OPRM1: variants seen among roughly 807,000 people sequenced by gnomAD.
The protein encoded by OPRM1 is opioid receptor mu 1.
OPRM1 carries 27 observed loss-of-function variants against 31.8 expected under a neutral mutation model. That is an observed-to-expected ratio of 0.85 (90% CI 0.63 to 1.17). The LOEUF (loss-of-function observed/expected upper bound fraction) is 1.17, where lower values mean the gene tolerates loss of function less well. OPRM1 is among the 50% of genes most tolerant of loss of function. OPRM1 has a pLI of 0.00. For synonymous variants in OPRM1, 196 were observed against 189.9 expected, an observed-to-expected ratio of 1.03 and a Z score of -0.26; for missense variants, 536 against 511.1, an observed-to-expected ratio of 1.05 and a Z score of -0.47.
intron 3 of OPRM1, among the ~76,000 whole-genome samples, chr6:154,161,244 T>C (rs911772235): frequency 2.0e-5 from 3 of 149,518 alleles, no homozygotes; most frequent in African/African-American, 7.4e-5. Context: ...ACAGAGTCAC[T>C]CTGTTGCCCA....
At chr6:154,179,388 C>G (rs1402715883) in intron 3 of OPRM1, among the ~76,000 whole-genome samples, 1 of 152,134 alleles carries the variant, frequency 6.6e-6, no homozygotes, top group Non-Finnish European at 1.5e-5. Context: ...GTAGAAAACA[C>G]TACATTATTT....
rs1326098056 is a variant in OPRM1 at position 154,116,411 on chromosome 6, C to G, written c.1165-2272C>G. Among the ~76,000 whole-genome samples, 3 of 151,896 alleles carry G rather than the reference C, an allele frequency of 2.0e-5. No homozygotes were observed. The East Asian group carries it at 5.8e-4, about 29-fold the overall frequency. ...GACCAGCCTGGCCAACATGGGAAACCCCATCTCTACTAAAAGTACAAAAAT... is the reference window on the plus strand; with the variant it reads ...GACCAGCCTGGCCAACATGGGAAACGCCATCTCTACTAAAAGTACAAAAAT... On this transcript the variant is annotated intron_variant, in intron 3 of 3. Coordinates refer to ENST00000330432, the MANE Select transcript of OPRM1 (RefSeq NM_000914.5).
intron 1 of OPRM1, among the ~76,000 whole-genome samples, chr6:154,079,537 C>G (rs1788627182): frequency 6.6e-6 from 1 of 152,118 alleles, no homozygotes; most frequent in South Asian, 2.1e-4. Flanking sequence ...GCTCAAGACT[C>G]ATACACACTG....
In OPRM1 at chr6:154,056,517, G is replaced by A. The variant is rs1360332063; in HGVS notation, c.290+16683G>A. ...TGGATTTTTCCAGGACTTGCAATGC[G>A]ATGTCTGTCAACTTCCTAACTCAGG... On this transcript the variant is annotated intron_variant, in intron 1 of 3. Transcript: ENST00000330432. Among the ~76,000 whole-genome samples, 5 of 151,634 alleles carry A rather than the reference G, an allele frequency of 3.3e-5. No individual in the cohort carries two copies. In the East Asian group the frequency reaches 5.8e-4, roughly 18 times the overall value.
intron 3 of OPRM1, among the ~76,000 whole-genome samples, chr6:154,194,528 C>G (rs2281620): frequency 1.3e-5 from 2 of 151,702 alleles, no homozygotes; most frequent in African/African-American, 2.4e-5. Flanking sequence ...AACTCCTCAA[C>G]CCCTCCTACT....
rs1797158555 is a variant in OPRM1, at chr6:154,119,016, G to T, written c.*295G>T. On this transcript the variant is annotated 3_prime_UTR_variant, in exon 4 of 4. Coordinates refer to ENST00000330432, the MANE Select transcript of OPRM1 (RefSeq NM_000914.5). ...GTGAATTGAAGTCATCATAAAAGGT[G>T]ACCCTTCTGTCTGTAAGATTTTATT... The T allele has an allele frequency of 6.1e-6, 7 of 1,144,178 alleles. No homozygotes were observed. The highest frequency in any genetic ancestry group is 3.2e-5 in the African/African-American group (2 of 62,506). 70.9% of individuals were successfully genotyped at this position (1,144,178 alleles called of 1,614,324 possible).
At chr6:154,133,566 A>G (rs186473616), downstream of OPRM1, among the ~76,000 whole-genome samples, 5 of 152,242 alleles carry the variant, frequency 3.3e-5, no homozygotes, top group African/African-American at 9.6e-5. Flanking sequence ...GGCAAATAAT[A>G]CCAAATGGTT....
intron 1 of OPRM1, among the ~76,000 whole-genome samples, chr6:154,013,146 T>C (rs1250283543): frequency 3.3e-5 from 5 of 152,190 alleles, no homozygotes; most frequent in African/African-American, 1.2e-4. Flanking sequence ...AAGTGGACGT[T>C]AGCCTTGAGC....
At chr6:154,195,356 C>A (rs1446969015) in intron 3 of OPRM1, among the ~76,000 whole-genome samples, 1 of 151,978 alleles carries the variant, frequency 6.6e-6, no homozygotes, top group Non-Finnish European at 1.5e-5. Flanking sequence ...ACCATGTTAG[C>A]CAGGATGGTC....
chr6:154,183,565 C>T (rs1480742956), intron 3 of OPRM1, among the ~76,000 whole-genome samples: 1 of 152,078 alleles, frequency 6.6e-6, no homozygotes, highest in Non-Finnish European at 1.5e-5. Context: ...CCAAAGGATG[C>T]TATAAAGGTA....
chr6:154,183,923 GCAAAA>G (rs1562528470), intron 3 of OPRM1, among the ~76,000 whole-genome samples: 1 of 151,672 alleles, frequency 6.6e-6, no homozygotes, highest in Non-Finnish European at 1.5e-5. Flanking sequence ...AAAAAACAAA[GCAAAA>G]CAAAAAACAC....
chr6:154,077,880 T>A (rs1166860783), intron 1 of OPRM1, among the ~76,000 whole-genome samples: 1 of 152,018 alleles, frequency 6.6e-6, no homozygotes, highest in Non-Finnish European at 1.5e-5. Context: ...ATCTACTTTT[T>A]TTTTTTTAAC....
chr6:154,104,850 T>C (rs1795358259), intron 3 of OPRM1, among the ~76,000 whole-genome samples: 1 of 152,232 alleles, frequency 6.6e-6, no homozygotes, highest in African/African-American at 2.4e-5. Flanking sequence ...AGCCATGGGT[T>C]TGTACCCTCA....
chr6:154,049,447 C>T (rs1781789015), intron 1 of OPRM1, among the ~76,000 whole-genome samples: 1 of 152,142 alleles, frequency 6.6e-6, no homozygotes, highest in African/African-American at 2.4e-5. Flanking sequence ...TTTTTTGCTG[C>T]TCTATACATG....
chr6:154,174,710 C>G (rs2128560213), intron 3 of OPRM1, among the ~76,000 whole-genome samples: 1 of 152,238 alleles, frequency 6.6e-6, no homozygotes, highest in Middle Eastern at 3.4e-3. Context: ...TAGACTCTCA[C>G]ACAATAATAA....
intron 1 of OPRM1, among the ~76,000 whole-genome samples, chr6:154,063,907 T>C (rs1383566102): frequency 2.0e-5 from 3 of 152,100 alleles, no homozygotes; most frequent in Non-Finnish European, 4.4e-5. Context: ...ATCTATTGAG[T>C]GGTTACATCT....
intron 3 of OPRM1, chr6:154,199,610 T>G (rs1445561497): frequency 6.8e-7 from 1 of 1,461,334 alleles, no homozygotes; most frequent in African/African-American, 1.4e-5. Context: ...AATATTACAG[T>G]TCCATATACA....
intron 3 of OPRM1, among the ~76,000 whole-genome samples, chr6:154,206,364 G>C (rs971798461): frequency 1.3e-5 from 2 of 152,106 alleles, no homozygotes; most frequent in African/African-American, 4.8e-5. Flanking sequence ...CATTCACATG[G>C]GGAAATATTT....
chr6:154,160,058 A>G (rs1417387983), intron 3 of OPRM1: 4 of 1,578,884 alleles, frequency 2.5e-6, no homozygotes, highest in Non-Finnish European at 3.5e-6. Flanking sequence ...AGTAGAAAAA[A>G]AGGGGAAGGG....
Sources: allele counts gnomAD v4.1 joint callset (sites outside exome capture counted in the v4.1 genomes callset), GRCh38; gene constraint gnomAD v4.1.1; transcripts MANE v1.5; gene names NCBI Gene and HGNC (gene_info 2026-07-23, HGNC 2026-07-21).